Variants in LRMDA observed in about 807,000 individuals in gnomAD.
The protein encoded by LRMDA is leucine-rich melanocyte differentiation-associated protein.
Under a neutral mutation model 29.8 loss-of-function variants are expected in LRMDA, and 18 were observed. That is an observed-to-expected ratio of 0.60 (90% CI 0.42 to 0.90). The LOEUF (loss-of-function observed/expected upper bound fraction) is 0.90, where lower values mean the gene tolerates loss of function less well. Among genes scored for constraint, LRMDA ranks in the 40% least tolerant of loss-of-function variants. The pLI, the probability that LRMDA is intolerant of heterozygous loss-of-function variation, is 0.00. For synonymous variants in LRMDA, 125 were observed against 109.4 expected (o/e 1.14, Z -0.89); for missense variants, 273 against 273.9 (o/e 1.00, Z 0.02).
intron 2 of LRMDA, among the ~76,000 whole-genome samples, chr10:75,548,780 C>T (rs1422904570): frequency 2.6e-5 from 4 of 152,072 alleles, no homozygotes; most frequent in African/African-American, 9.7e-5. Context: ...TATACATACT[C>T]GGGTTGTATA....
chr10:75,641,253 T>C (rs1841449497), intron 2 of LRMDA, among the ~76,000 whole-genome samples: 1 of 152,128 alleles, frequency 6.6e-6, no homozygotes. Flanking sequence ...AAATTCTGTA[T>C]TTTTGGTTAG....
chr10:75,503,335 T>C (rs747187546), intron 2 of LRMDA, among the ~76,000 whole-genome samples: 7 of 152,174 alleles, frequency 4.6e-5, no homozygotes, highest in Non-Finnish European at 7.3e-5. Context: ...GTGTTGTGGC[T>C]TCTCATGCTG....
intron 2 of LRMDA, among the ~76,000 whole-genome samples, chr10:75,812,308 T>G (rs1340444004): frequency 1.3e-5 from 2 of 152,100 alleles, no homozygotes; most frequent in Non-Finnish European, 2.9e-5. Context: ...TTCGAAAAAC[T>G]GTCAAGCCCG....
intron 5 of LRMDA, among the ~76,000 whole-genome samples, chr10:76,156,084 AAC>A (rs1207188322): frequency 6.6e-6 from 1 of 152,148 alleles, no homozygotes; most frequent in African/African-American, 2.4e-5. Context: ...AAGTAACTCA[AAC>A]ACAGTCAGGA....
intron 2 of LRMDA, among the ~76,000 whole-genome samples, chr10:75,510,151 T>C (rs1217519989): frequency 6.6e-6 from 1 of 152,262 alleles, no homozygotes; most frequent in Admixed American, 6.5e-5. Flanking sequence ...CCTCTTGCCA[T>C]TCCTTCCTTT....
chr10:76,288,118 G>GA (rs1840294839), intron 5 of LRMDA, among the ~76,000 whole-genome samples: 1 of 152,124 alleles, frequency 6.6e-6, no homozygotes, highest in Non-Finnish European at 1.5e-5. Context: ...GTTGGAAATG[G>GA]AAAAAAGTCA....
chr10:75,899,081 T>C (rs1022590806), intron 2 of LRMDA, among the ~76,000 whole-genome samples: 1 of 152,214 alleles, frequency 6.6e-6, no homozygotes, highest in Non-Finnish European at 1.5e-5. Context: ...TGGGCATTAG[T>C]CAGGTTCATA....
intron 2 of LRMDA, among the ~76,000 whole-genome samples, chr10:75,968,175 T>C (rs12767087): frequency 0.33 from 49,391 of 151,716 alleles, 9,898 homozygotes; most frequent in Non-Finnish European, 0.45. Context: ...CTCAAAAGGA[T>C]AGGCCTGTGA....
At chr10:76,381,521 G>A (rs1841592141) in intron 6 of LRMDA, among the ~76,000 whole-genome samples, 1 of 152,012 alleles carries the variant, frequency 6.6e-6, no homozygotes, top group African/African-American at 2.4e-5. Flanking sequence ...ATCCATAAGA[G>A]TTTTCTGGTA....
chr10:76,539,406 C>G (rs1489419412), intron 6 of LRMDA, among the ~76,000 whole-genome samples: 1 of 152,116 alleles, frequency 6.6e-6, no homozygotes, highest in Non-Finnish European at 1.5e-5. Context: ...TCTTTACATG[C>G]TAAGAAGCTG....
intron 2 of LRMDA, among the ~76,000 whole-genome samples, chr10:75,472,103 T>G (rs1844734529): frequency 6.6e-6 from 1 of 152,218 alleles, no homozygotes; most frequent in Non-Finnish European, 1.5e-5. Context: ...AAATCCTTCC[T>G]GCCTTCCCTC....
At chr10:75,903,525 G>A (rs1455243941) in intron 2 of LRMDA, among the ~76,000 whole-genome samples, 1 of 152,096 alleles carries the variant, frequency 6.6e-6, no homozygotes, top group Non-Finnish European at 1.5e-5. Flanking sequence ...TGCGTTTTAG[G>A]GCTAAAGCCA....
chr10:75,885,089 T>G (rs1043994788), intron 2 of LRMDA, among the ~76,000 whole-genome samples: 1 of 150,312 alleles, frequency 6.7e-6, no homozygotes, highest in African/African-American at 2.5e-5. Flanking sequence ...TTCAGGAGGC[T>G]GGGGGATGAC....
At chr10:76,508,057 A>C (rs1022545158) in intron 6 of LRMDA, among the ~76,000 whole-genome samples, 3 of 152,116 alleles carry the variant, frequency 2.0e-5, no homozygotes, top group African/African-American at 4.8e-5. Context: ...ATGCTTCTTC[A>C]TGAGTAAATT....
intron 2 of LRMDA, among the ~76,000 whole-genome samples, chr10:75,619,595 C>T (rs1214568923): frequency 6.6e-6 from 1 of 152,190 alleles, no homozygotes; most frequent in African/African-American, 2.4e-5. Context: ...TAGTGTTCAT[C>T]TCCCAACCTG....
At chr10:76,244,741 G>A (rs1852343535) in intron 5 of LRMDA, among the ~76,000 whole-genome samples, 6 of 152,144 alleles carry the variant, frequency 3.9e-5, no homozygotes, top group Admixed American at 3.9e-4. Context: ...GATGTCTTTA[G>A]TTCATTGATT....
intron 2 of LRMDA, among the ~76,000 whole-genome samples, chr10:75,906,717 T>C (rs1845765005): frequency 6.6e-6 from 1 of 152,164 alleles, no homozygotes; most frequent in South Asian, 2.1e-4. Context: ...ATCCACGGAG[T>C]GCGCTCATTA....
intron 5 of LRMDA, among the ~76,000 whole-genome samples, chr10:76,189,131 G>A (rs976241319): frequency 4.6e-5 from 7 of 152,150 alleles, no homozygotes; most frequent in Admixed American, 2.0e-4. Flanking sequence ...GCTGAGGCGG[G>A]TGGATCACTT....
chr10:76,223,009 T>C (rs371179840), intron 5 of LRMDA, among the ~76,000 whole-genome samples: 2,333 of 151,394 alleles, frequency 0.015, 51 homozygotes, highest in African/African-American at 0.05. Context: ...AGTAAACTAT[T>C]GCAAGAACAA....
Sources: allele counts gnomAD v4.1 joint callset (sites outside exome capture counted in the v4.1 genomes callset), GRCh38; gene constraint gnomAD v4.1.1; transcripts MANE v1.5; gene names NCBI Gene and HGNC (gene_info 2026-07-23, HGNC 2026-07-21).